Variants in PCDHGC4 observed in about 807,000 individuals in gnomAD.
PCDHGC4 encodes protocadherin gamma subfamily C, 4.
PCDHGC4 carries 15 observed loss-of-function variants against 59.7 expected under a neutral mutation model. The ratio of observed to expected loss-of-function variants is 0.25; its 90% CI spans 0.17 to 0.39. The LOEUF (loss-of-function observed/expected upper bound fraction) is 0.39. Ranked by LOEUF, PCDHGC4 falls within the 10% of genes least tolerant of loss-of-function variation. PCDHGC4 has a pLI of 1.00. For synonymous variants in PCDHGC4, 434 were observed against 481.4 expected, an observed-to-expected ratio of 0.90 and a Z score of 1.29; for missense variants, 1,016 against 1,189.5, an observed-to-expected ratio of 0.85 and a Z score of 2.15.
chr5:141,504,158 T>G (rs890874880), intron 2 of PCDHGC4, among the ~76,000 whole-genome samples: 1 of 152,222 alleles, frequency 6.6e-6, no homozygotes, highest in Non-Finnish European at 1.5e-5. Context: ...TGAAATAATT[T>G]CATCCTTGGA....
Position 141,511,201 on chromosome 5 carries a change from G to A in PCDHGC4, c.*28G>A, listed in dbSNP as rs2099883661. On this transcript the variant is annotated 3_prime_UTR_variant, in exon 4 of 4. Transcript: ENST00000306593. ...TGGAGGCCAGGCCAAGAGCCACAGG[G>A]CGGCCTCTCCCCAACCAGCCCAGCT... 2 of 1,612,600 alleles carry A rather than the reference G, an allele frequency of 1.2e-6. No homozygotes were observed. The highest frequency in any genetic ancestry group is 1.7e-6 in the Non-Finnish European group (2 of 1,179,344).
chr5:141,503,912 A>AAC (rs34419983), intron 2 of PCDHGC4, among the ~76,000 whole-genome samples: 3 of 152,280 alleles, frequency 2.0e-5, no homozygotes, highest in East Asian at 3.9e-4. Context: ...CACACAACGC[A>AAC]ACACACACAC....
chr5:141,490,981 C>T lies in PCDHGC4; in HGVS notation c.2442+3366C>T. 19 of 1,614,096 alleles carry T rather than the reference C, an allele frequency of 1.2e-5. No homozygotes were observed. The highest frequency in any genetic ancestry group is 1.5e-5 in the Non-Finnish European group (18 of 1,180,018). Reference sequence around the variant, plus strand: ...ACACTCAGCCCCCCAGCGTCTCCCTCGCTCTGCTCCTCCTGGCTCCTTGGT... The same window carrying T: ...ACACTCAGCCCCCCAGCGTCTCCCTTGCTCTGCTCCTCCTGGCTCCTTGGT... On this transcript the variant is annotated intron_variant, in intron 1 of 3. Transcript: ENST00000306593. The surrounding 1 kb of genome is among the most constrained non-coding windows in gnomAD (Gnocchi z 5.4).
chr5:141,505,616 C>A, intron 3 of PCDHGC4, 135 bp downstream of exon 3: 1 of 1,503,160 alleles, frequency 6.7e-7, no homozygotes. Flanking sequence ...CTGAAAGGAC[C>A]CACAATTCCA....
intron 2 of PCDHGC4, among the ~76,000 whole-genome samples, chr5:141,497,175 A>T (rs2154592067): frequency 6.7e-6 from 1 of 150,262 alleles, no homozygotes; most frequent in East Asian, 1.9e-4. Context: ...AAATCACAGT[A>T]AGTTCTGAGA....
intron 1 of PCDHGC4, 63 bp from the exon 2 acceptor site, chr5:141,494,744 G>T: frequency 6.2e-7 from 1 of 1,612,702 alleles, no homozygotes; most frequent in South Asian, 1.1e-5. Flanking sequence ...CATCCCTAGG[G>T]GCTCGGGTGA....
chr5:141,493,908 G>A lies in PCDHGC4; in HGVS notation c.2443-899G>A, dbSNP rs1308946115. ...CTAGGAGTGCTCCATGAGAGTGTGT[G>A]ATGGGATAACACACCCCCTGGAAAG... On this transcript the variant is annotated intron_variant, in intron 1 of 3. Transcript: ENST00000306593. This position sits in a 1 kb window ranked among gnomAD's most constrained non-coding sequence, Gnocchi z 4.3. Among the ~76,000 whole-genome samples the A allele has an allele frequency of 6.6e-6, 1 of 152,208 alleles. No homozygotes were observed. The highest frequency in any genetic ancestry group is 1.5e-5 in the Non-Finnish European group (1 of 68,032).
chr5:141,497,211 G>T (rs914346878), intron 2 of PCDHGC4, among the ~76,000 whole-genome samples: 12 of 28,538 alleles, frequency 4.2e-4, no homozygotes, highest in African/African-American at 1.1e-3. Context: ...GAGTGTAATG[G>T]GGGGGGGAAG....
chr5:141,497,413 T>A (rs572922456), intron 2 of PCDHGC4, among the ~76,000 whole-genome samples: 1 of 151,928 alleles, frequency 6.6e-6, no homozygotes, highest in African/African-American at 2.4e-5. Context: ...TCCCATTCCA[T>A]CAAATGAGAG....
rs1256615029 is a variant in PCDHGC4 at position 141,512,740 on chromosome 5, C to T, written c.*1567C>T. ...GCGGGTGGGCAGCGGGCGGCGGGCT[C>T]CGCGCAGCCGTCTGTCCTTGATCTG... On this transcript the variant is annotated 3_prime_UTR_variant, in exon 4 of 4. Transcript: ENST00000306593. 1 of 152,788 alleles carries T rather than the reference C, an allele frequency of 6.5e-6. No individual in the cohort carries two copies. The highest frequency in any genetic ancestry group is 1.5e-5 in the Non-Finnish European group (1 of 68,570). The allele number at this position is 152,788 out of a possible 1,614,324, so 9.5% of individuals were successfully genotyped here.
intron 3 of PCDHGC4, among the ~76,000 whole-genome samples, chr5:141,510,117 T>C (rs1205620535): frequency 6.6e-6 from 1 of 151,908 alleles, no homozygotes; most frequent in East Asian, 1.9e-4. Context: ...TGTTTTGAAA[T>C]ACAAAAATTA....
intron 2 of PCDHGC4, among the ~76,000 whole-genome samples, chr5:141,499,317 A>G (rs532848559): frequency 7.9e-5 from 12 of 152,354 alleles, no homozygotes; most frequent in Admixed American, 1.3e-4. Context: ...GAGAGACAGT[A>G]TCCCTGCTCT....
chr5:141,510,853 CTGT>C, intron 3 of PCDHGC4, 91 bp from the exon 4 acceptor site: 3 of 1,601,238 alleles, frequency 1.9e-6, no homozygotes, highest in Middle Eastern at 1.7e-4. Context: ...GCCCAGGGTG[CTGT>C]ATAGGCATTC....
At position 141,485,568 on chromosome 5, in the gene PCDHGC4, G is replaced by T. The variant is rs1020556289; in HGVS notation, c.395G>T (p.Arg132Leu). 6.2e-7 allele frequency: 1 copy of T among 1,612,758 alleles called. No homozygotes were observed. Among genetic ancestry groups the T allele is most frequent in the Non-Finnish European group, 8.5e-7 (1 of 1,178,924 alleles). The change falls in exon 1 of 4, where the codon CGT becomes CTT. Residue 132 changes from arginine (R) to leucine (L), a missense_variant. Coordinates refer to ENST00000306593, the MANE Select transcript of PCDHGC4 (RefSeq NM_018928.3). The surrounding 1 kb of genome is among the most constrained non-coding windows in gnomAD (Gnocchi z 5.7). ...EIVDVNDHAP[R>L]FPRQQLDLEI... is the part of the protein sequence containing the mutation. Reference sequence around the variant, plus strand: ...GTAGATGTGAATGATCACGCCCCCCGTTTTCCGCGGCAGCAGCTGGACTTG... The same window carrying T: ...GTAGATGTGAATGATCACGCCCCCCTTTTTCCGCGGCAGCAGCTGGACTTG...
chr5:141,490,419 G>C lies in PCDHGC4; in HGVS notation c.2442+2804G>C. The C allele has an allele frequency of 6.2e-7, 1 of 1,614,170 alleles. No homozygotes were observed. Among genetic ancestry groups the C allele is most frequent in the Non-Finnish European group, 8.5e-7 (1 of 1,180,020 alleles). ...TGAGCCTTGATATCTCTCCGGACCT[G>C]CCATTTCAGATTAAGCCTTCTGAGA... On this transcript the variant is annotated intron_variant, in intron 1 of 3. Transcript: ENST00000306593. The surrounding 1 kb of genome is among the most constrained non-coding windows in gnomAD (Gnocchi z 5.4).
At chr5:141,496,402 G>T (rs551923899) in intron 2 of PCDHGC4, among the ~76,000 whole-genome samples, 183 of 152,248 alleles carry the variant, frequency 1.2e-3, no homozygotes, top group African/African-American at 4.0e-3. Flanking sequence ...CCTCCTCAAT[G>T]GTTGAGTACT....
At chr5:141,506,241 G>C (rs2237081) in intron 3 of PCDHGC4, among the ~76,000 whole-genome samples, 78,081 of 151,504 alleles carry the variant, frequency 0.52, 20,775 homozygotes, top group African/African-American at 0.63. Context: ...ATGAGGTCAG[G>C]AGTTCGAAAC....
In PCDHGC4 at chr5:141,487,414, T is replaced by C; in HGVS notation, c.2241T>C (p.Asn747=). The change falls in exon 1 of 4, where the codon AAT becomes AAC. Residue 747 remains asparagine, a synonymous_variant. Coordinates refer to ENST00000306593, the MANE Select transcript of PCDHGC4 (RefSeq NM_018928.3). This position sits in a 1 kb window ranked among gnomAD's most constrained non-coding sequence, Gnocchi z 5.0. The stretch of plus-strand genomic sequence containing the variant: ...GGAGGGAGGGGCTTCCCCCTTCCAA[T>C]GGGATCCTCCGAATCCAGCTAGGGT... ...SRRREGLPPS[N]GILRIQLGSD... 3.7e-6 allele frequency: 6 copies of C among 1,614,174 alleles called. No individual in the cohort carries two copies. The highest frequency in any genetic ancestry group is 5.1e-6 in the Non-Finnish European group (6 of 1,180,006).
intron 2 of PCDHGC4, among the ~76,000 whole-genome samples, chr5:141,502,956 G>A (rs986743949): frequency 1.3e-5 from 2 of 148,846 alleles, no homozygotes; most frequent in African/African-American, 5.0e-5. Context: ...CGATTCTCCT[G>A]CCTCAGCCTC....
Sources: allele counts gnomAD v4.1 joint callset (sites outside exome capture counted in the v4.1 genomes callset), GRCh38; gene constraint gnomAD v4.1.1; non-coding constraint Gnocchi (gnomAD v3.1); transcripts MANE v1.5; gene names NCBI Gene and HGNC (gene_info 2026-07-23, HGNC 2026-07-21).